The following TRPC4AP variants were observed in gnomAD, a reference collection of about 807,000 sequenced individuals.
The protein encoded by TRPC4AP is transient receptor potential cation channel subfamily C member 4 associated protein, also known as short transient receptor potential channel 4-associated protein.
A neutral mutation model predicts 99.0 loss-of-function variants in TRPC4AP; 45 were observed. The ratio of observed to expected loss-of-function variants is 0.45; its 90% CI spans 0.36 to 0.58. The LOEUF (loss-of-function observed/expected upper bound fraction) is 0.58. TRPC4AP is among the 20% of genes least tolerant of loss of function. The probability of loss-of-function intolerance (pLI) is 0.00; values close to 1 mark genes in which losing one functional copy is unlikely to be tolerated. For synonymous variants in TRPC4AP, 408 were observed against 385.8 expected, an observed-to-expected ratio of 1.06 and a Z score of -0.67; for missense variants, 879 against 985.3, an observed-to-expected ratio of 0.89 and a Z score of 1.44.
At chr20:35,069,097 GT>G (rs910656976) in intron 3 of TRPC4AP, among the ~76,000 whole-genome samples, 198 bp downstream of exon 3, 1 of 151,932 alleles carries the variant, frequency 6.6e-6, no homozygotes, top group Non-Finnish European at 1.5e-5. Flanking sequence ...TTTTAAAAAG[GT>G]ATACACCAAT....
intron 6 of TRPC4AP, among the ~76,000 whole-genome samples, chr20:35,045,332 C>T: frequency 6.6e-6 from 1 of 152,200 alleles, no homozygotes; most frequent in East Asian, 1.9e-4. Flanking sequence ...ATACAAGCAG[C>T]TGATTCAATC....
intron 15 of TRPC4AP, 29 bp from the exon 16 acceptor site, chr20:35,005,832 A>T: frequency 1.3e-6 from 2 of 1,596,130 alleles, no homozygotes; most frequent in Non-Finnish European, 1.7e-6. Flanking sequence ...CACAGCAGGC[A>T]GTGGGCTGCT....
intron 4 of TRPC4AP, 142 bp downstream of exon 4, chr20:35,057,372 A>G: frequency 1.6e-6 from 1 of 635,972 alleles, no homozygotes; most frequent in Non-Finnish European, 2.8e-6. Flanking sequence ...TAGCTGGGGG[A>G]GGAGAGAGCA....
chr20:35,043,275 CTAAT>C (rs903741510), intron 7 of TRPC4AP, among the ~76,000 whole-genome samples: 2 of 145,148 alleles, frequency 1.4e-5, no homozygotes, highest in South Asian at 4.3e-4. Context: ...GAGACGGAGT[CTAAT>C]TATGTCGCCC....
intron 5 of TRPC4AP, among the ~76,000 whole-genome samples, chr20:35,052,866 C>T (rs966146449): frequency 6.6e-6 from 1 of 152,106 alleles, no homozygotes; most frequent in Non-Finnish European, 1.5e-5. Context: ...TCACAGTTTA[C>T]ACAAGTCCCC....
At chr20:35,084,882 C>A (rs940017822) in intron 1 of TRPC4AP, among the ~76,000 whole-genome samples, 1 of 151,904 alleles carries the variant, frequency 6.6e-6, no homozygotes, top group African/African-American at 2.4e-5. Context: ...CAATATATGG[C>A]CCTGCTGTAA....
chr20:35,007,834 G>A (rs967067470), intron 13 of TRPC4AP, among the ~76,000 whole-genome samples, 194 bp from the exon 14 acceptor site: 4 of 152,214 alleles, frequency 2.6e-5, no homozygotes, highest in Non-Finnish European at 5.9e-5. Context: ...CAGCTCAGTG[G>A]AGAAGTCTTC....
chr20:35,084,548 A>G (rs889923213), intron 1 of TRPC4AP, among the ~76,000 whole-genome samples: 1 of 141,108 alleles, frequency 7.1e-6, no homozygotes, highest in African/African-American at 2.6e-5. Flanking sequence ...GTATATGTAT[A>G]TATGTTTATA....
At position 35,090,139 on chromosome 20, in the gene TRPC4AP, G is replaced by C. The variant is rs528580916; in HGVS notation, c.168+2475C>G. Among the ~76,000 whole-genome samples, 143 of 149,260 alleles carry C rather than the reference G, an allele frequency of 9.6e-4. 1 individual carries two copies. Among genetic ancestry groups the C allele is most frequent in the African/African-American group, 3.4e-3 (139 of 40,536 alleles). ...GGGTAAGCAAATAACTTATTCTGCA[G>C]GATGGGAGAGAGGAGCGGAAGGGCA... On this transcript the variant is annotated intron_variant, in intron 1 of 18. Transcript: ENST00000252015.
intron 1 of TRPC4AP, among the ~76,000 whole-genome samples, chr20:35,089,805 C>CA (rs1220035151): frequency 6.6e-6 from 1 of 152,032 alleles, no homozygotes; most frequent in Non-Finnish European, 1.5e-5. Flanking sequence ...GAGATTGCGC[C>CA]ACTGCACTCC....
At position 35,045,006 on chromosome 20, in the gene TRPC4AP, T is replaced by TA. The variant is rs1047169644; in HGVS notation, c.658-295dup. 7.3e-5 allele frequency among the ~76,000 whole-genome samples: 11 copies of TA among 151,232 alleles called. No homozygotes were observed. The East Asian group carries it at 7.7e-4, about 11-fold the overall frequency. ...GTTCTTGTGGTATATTTTGCCTATT[T>TA]AAAAAAAAAGGAAATGCCTACCACT... On this transcript the variant is annotated intron_variant, in intron 6 of 18. Coordinates refer to ENST00000252015, the MANE Select transcript of TRPC4AP (RefSeq NM_015638.3).
intron 2 of TRPC4AP, among the ~76,000 whole-genome samples, chr20:35,073,659 CTGGATT>C (rs2084388413): frequency 6.6e-6 from 1 of 152,160 alleles, no homozygotes; most frequent in Admixed American, 6.5e-5. Context: ...TGATGTGCTG[CTGGATT>C]TGGTTTGCCA....
rs149586704 is a variant in TRPC4AP at position 35,009,008 on chromosome 20, C to T, written c.1512-261G>A. 3.5e-4 allele frequency among the ~76,000 whole-genome samples: 54 copies of T among 152,326 alleles called. 2 individuals carry two copies. In the East Asian group the frequency reaches 5.6e-3, roughly 16 times the overall value. On this transcript the variant is annotated intron_variant, in intron 12 of 18. Transcript: ENST00000252015. Reference sequence around the variant, plus strand: ...ATCCAGAATCAGACATGGCTTAGAACTGCCAGAGGAGAGCTGTTTATACCA... The same window carrying T: ...ATCCAGAATCAGACATGGCTTAGAATTGCCAGAGGAGAGCTGTTTATACCA...
rs1232057956 is a variant in TRPC4AP at position 35,049,924 on chromosome 20, C to T, written c.599G>A (p.Ser200Asn). 2 of 1,613,982 alleles carry T rather than the reference C, an allele frequency of 1.2e-6. No individual in the cohort carries two copies. The highest frequency in any genetic ancestry group is 1.3e-5 in the African/African-American group (1 of 74,938). The change falls in exon 6 of 19, where the codon AGT (serine) becomes AAT (asparagine). Residue 200 changes from serine (S) to asparagine (N), a missense_variant. This residue lies in a region of TRPC4AP where 603 missense variants were observed against 631.8 expected (regional missense o/e 0.95). Transcript: ENST00000252015. ...TGCTGTTTGTAAGAATGTCTTCTTA[C>T]TTGTCATCAATGTAAACAGGAAGAT... ...FVIFLFTLMT[S>N]KKTFLQTATL...
rs987785401 is a variant in TRPC4AP, at chr20:35,008,767, T to G, written c.1512-20A>C. 6.2e-7 allele frequency: 1 copy of G among 1,610,346 alleles called. No individual in the cohort carries two copies. The highest frequency in any genetic ancestry group is 8.5e-7 in the Non-Finnish European group (1 of 1,177,452). ...AAACTCCTGAAATAGAAGAGAGATA[T>G]TGGTGACAGATCTGAGAGGCTGACA... On this transcript the variant is annotated intron_variant, in intron 12 of 18. Transcript: ENST00000252015.
At chr20:35,069,245 C>A in intron 3 of TRPC4AP, 51 bp downstream of exon 3, 1 of 1,052,502 alleles carries the variant, frequency 9.5e-7, no homozygotes, top group Non-Finnish European at 1.4e-6. Flanking sequence ...GTTAAATTCC[C>A]AAACCATTAA....
intron 2 of TRPC4AP, among the ~76,000 whole-genome samples, chr20:35,077,089 T>C (rs1476876988): frequency 6.6e-6 from 1 of 152,182 alleles, no homozygotes; most frequent in Admixed American, 6.5e-5. Context: ...TCTCCTGCTG[T>C]GCCATTTGCT....
intron 3 of TRPC4AP, among the ~76,000 whole-genome samples, chr20:35,058,502 G>T (rs2083896739): frequency 6.6e-6 from 1 of 152,006 alleles, no homozygotes; most frequent in African/African-American, 2.4e-5. Flanking sequence ...AACGAAATTT[G>T]GGAAATTCAT....
At chr20:35,064,798 A>C (rs2084100971) in intron 3 of TRPC4AP, among the ~76,000 whole-genome samples, 1 of 152,186 alleles carries the variant, frequency 6.6e-6, no homozygotes, top group East Asian at 1.9e-4. Flanking sequence ...TTCATCATGA[A>C]TTTTCCCATA....
Sources: gnomAD v4.1 joint callset for allele counts (sites outside exome capture counted in the v4.1 genomes callset) on GRCh38, gnomAD v4.1.1 for gene constraint, gnomAD v4.1.1 regional missense constraint, MANE v1.5 for transcripts, NCBI Gene and HGNC (gene_info 2026-07-23, HGNC 2026-07-21) for gene names.